Variants in ZDHHC6 observed in about 807,000 individuals in gnomAD.
The protein encoded by ZDHHC6 is zDHHC palmitoyltransferase 6, also known as palmitoyltransferase ZDHHC6.
ZDHHC6 carries 32 observed loss-of-function variants against 57.8 expected under a neutral mutation model. The observed-to-expected ratio is 0.55, with a 90% confidence interval of 0.42 to 0.74. The LOEUF (loss-of-function observed/expected upper bound fraction) is 0.74. Ranked by LOEUF, ZDHHC6 falls within the 30% of genes least tolerant of loss-of-function variation. ZDHHC6 has a pLI of 0.00. For missense variants in ZDHHC6, 433 were observed against 500.7 expected, an observed-to-expected ratio of 0.86 and a Z score of 1.29; for synonymous variants, 128 against 158.0, an observed-to-expected ratio of 0.81 and a Z score of 1.42.
chr10:112,428,965 A>C (rs554130699), downstream of ZDHHC6, among the ~76,000 whole-genome samples: 1 of 152,354 alleles, frequency 6.6e-6, no homozygotes, highest in African/African-American at 2.4e-5. Flanking sequence ...ATAGCTGTAA[A>C]GAATAAAACA....
rs766634437 is a variant in ZDHHC6 at position 112,445,193 on chromosome 10, A to G, written c.244T>C (p.Phe82Leu). 2 of 1,613,730 alleles carry G rather than the reference A, an allele frequency of 1.2e-6. No homozygotes were observed. The highest frequency in any genetic ancestry group is 1.3e-5 in the African/African-American group (1 of 75,050). ...YFNAMFVGPGFVPLGWKPEIS... is the reference protein window; with the variant it reads ...YFNAMFVGPGLVPLGWKPEIS... The stretch of plus-strand genomic sequence containing the variant: ...ACCGGTTTCCACCCCAGAGGGACAA[A>G]GCCCGGACCGACAAACATGGCATTG... Residue 82 changes from phenylalanine to leucine, a missense_variant, in exon 2 of 11, where the codon TTT becomes CTT. Transcript: ENST00000369405.
chr10:112,425,454 A>G (rs746118733), downstream of ZDHHC6: 1 of 1,613,218 alleles, frequency 6.2e-7, no homozygotes, highest in South Asian at 1.1e-5. Context: ...CAGTGTTACA[A>G]ATTTTTGTAC....
In ZDHHC6 at chr10:112,434,257, C is replaced by T. The variant is rs750350960; in HGVS notation, c.903+40G>A. On this transcript the variant is annotated intron_variant, in intron 7 of 10. Transcript: ENST00000369405. ...TGAGGGGGAGTTAAGGGAAAGAAGG[C>T]GAGGCAAAAAGGAAGGGCTATTTGA... is the stretch of plus-strand genomic sequence containing the variant. 1.0e-5 allele frequency: 15 copies of T among 1,493,256 alleles called. No homozygotes were observed. In the East Asian group the frequency reaches 1.7e-4, roughly 17 times the overall value. 92.5% of individuals were successfully genotyped at this position (1,493,256 alleles called of 1,614,324 possible).
At chr10:112,427,290 A>T, downstream of ZDHHC6, 1 of 1,613,970 alleles carries the variant, frequency 6.2e-7, no homozygotes, top group South Asian at 1.1e-5. Flanking sequence ...ATTGAAAGCA[A>T]AGCGAGGAGA....
chr10:112,447,322 G>A, upstream of ZDHHC6: 1 of 1,579,662 alleles, frequency 6.3e-7, no homozygotes, highest in Non-Finnish European at 8.6e-7. Flanking sequence ...TGCCCCTCGA[G>A]GCCCTTTCCC....
downstream of ZDHHC6, chr10:112,426,344 A>T: frequency 6.2e-7 from 1 of 1,613,998 alleles, no homozygotes; most frequent in African/African-American, 1.3e-5. Context: ...CCTTTGAGGA[A>T]CTGTGCCAAA....
At chr10:112,425,513 A>G (rs759157376), downstream of ZDHHC6, 2 of 1,548,592 alleles carry the variant, frequency 1.3e-6, no homozygotes, top group Non-Finnish European at 1.7e-6. Flanking sequence ...AGCCCATTTC[A>G]GTCACAAACC....
At chr10:112,444,541 A>T (rs1198979601) in intron 2 of ZDHHC6, among the ~76,000 whole-genome samples, 1 of 152,180 alleles carries the variant, frequency 6.6e-6, no homozygotes, top group Non-Finnish European at 1.5e-5. Context: ...CCGAACTTTA[A>T]TATACCTAAG....
chr10:112,440,585 C>T lies in ZDHHC6; in HGVS notation c.630G>A (p.Leu210=), dbSNP rs748479945. The T allele has an allele frequency of 6.2e-6, 10 of 1,613,902 alleles. No homozygotes were observed. The Admixed American group carries it at 1.2e-4, about 19-fold the overall frequency. The change falls in exon 5 of 11, where the codon TTG becomes TTA. Residue 210 remains leucine, a synonymous_variant. Transcript: ENST00000369405. ...LAAFATTLFA[L]GLALGTTIAV... The stretch of plus-strand genomic sequence containing the variant: ...CTATGGTTGTTCCTAAAGCTAATCC[C>T]AAGGCAAACAAGGTGGTAGCAAATG...
chr10:112,441,091 C>T (rs1195231342), intron 4 of ZDHHC6, among the ~76,000 whole-genome samples: 1 of 152,164 alleles, frequency 6.6e-6, no homozygotes, highest in Non-Finnish European at 1.5e-5. Context: ...TGACCCACAC[C>T]GCCTCAGCCT....
intron 4 of ZDHHC6, 144 bp from the exon 5 acceptor site, chr10:112,440,839 T>C (rs1752404762): frequency 1.9e-6 from 1 of 536,362 alleles, no homozygotes; most frequent in South Asian, 9.4e-5. Context: ...TTATTTTATT[T>C]TATTTATTTA....
chr10:112,434,188 A>AAGGTATAGAGAATTAAGGAGATATTG, intron 7 of ZDHHC6, 109 bp downstream of exon 7: 1 of 1,110,120 alleles, frequency 9.0e-7, no homozygotes, highest in Non-Finnish European at 1.3e-6. Context: ...TGACATAGTG[A>AAGGTATAGAGAATTAAGGAGATATTG]AAACATTCAT....
chr10:112,441,147 C>G (rs533544515), intron 4 of ZDHHC6, among the ~76,000 whole-genome samples: 2 of 152,136 alleles, frequency 1.3e-5, no homozygotes, highest in Admixed American at 6.5e-5. Context: ...GCTGGGCCAG[C>G]TATTTTTAAT....
chr10:112,432,670 C>G (rs1845155317), intron 8 of ZDHHC6, 149 bp from the exon 9 acceptor site: 2 of 932,574 alleles, frequency 2.1e-6, no homozygotes, highest in African/African-American at 3.3e-5. Flanking sequence ...GTTCCCCATC[C>G]ACCTAGTTCC....
Position 112,434,473 on chromosome 10 carries a change from A to G in ZDHHC6, c.736-9T>C. 1.9e-6 allele frequency: 3 copies of G among 1,607,952 alleles called. No homozygotes were observed. Among genetic ancestry groups the G allele is most frequent in the African/African-American group, 2.7e-5 (2 of 74,790 alleles). On this transcript the variant is annotated splice_polypyrimidine_tract_variant and intron_variant, in intron 6 of 10. Transcript: ENST00000369405. ...TGAATTCGATCTTTAGCCTGTGGGTAACAAAGATATAAGATGGCAGGTGCC... is the reference window on the plus strand; with the variant it reads ...TGAATTCGATCTTTAGCCTGTGGGTGACAAAGATATAAGATGGCAGGTGCC...
chr10:112,443,532 G>A lies in ZDHHC6; in HGVS notation c.342C>T (p.His114=). Residue 114 remains histidine (H), a synonymous_variant, in exon 3 of 11, where the codon CAC becomes CAT. Transcript: ENST00000369405. ...ACAGGTACCTGTTACACTTTCTGCA[G>A]TGATGTGAACGTGGTGCCTTGTATG... is the stretch of plus-strand genomic sequence containing the variant. ...CQAYKAPRSH[H]CRKCNRCVMK... 6.2e-7 allele frequency: 1 copy of A among 1,613,892 alleles called. No individual in the cohort carries two copies. Among genetic ancestry groups the A allele is most frequent in the African/African-American group, 1.3e-5 (1 of 75,048 alleles).
At position 112,445,442 on chromosome 10, in the gene ZDHHC6, CAAGG is replaced by C. The variant is rs1846568371; in HGVS notation, c.-10_-7del. On this transcript the variant is annotated 5_prime_UTR_variant, in exon 2 of 11. Transcript: ENST00000369405. ...ACCGAACAGAATGTACCCATTTTGGCAAGGAAGAATGCCTTCCTACTTTAAAAGA... is the reference window on the plus strand; with the variant it reads ...ACCGAACAGAATGTACCCATTTTGGCAAGAATGCCTTCCTACTTTAAAAGA... 6.2e-7 allele frequency: 1 copy of C among 1,611,024 alleles called. No individual in the cohort carries two copies. The highest frequency in any genetic ancestry group is 1.7e-5 in the Admixed American group (1 of 59,754).
At chr10:112,426,356 C>A (rs780276307), downstream of ZDHHC6, 5 of 1,613,666 alleles carry the variant, frequency 3.1e-6, no homozygotes, top group African/African-American at 5.3e-5. Flanking sequence ...TGTGCCAAAA[C>A]CAAGTAAGTC....
rs996564990 is a variant in ZDHHC6 at position 112,445,171 on chromosome 10, G to A, written c.266C>T (p.Pro89Leu). Reference protein sequence around the residue: ...GPGFVPLGWKPEISQDTMYLQ... With the variant: ...GPGFVPLGWKLEISQDTMYLQ... The stretch of plus-strand genomic sequence containing the variant: ...ATTGTCTTACAGAATCTTTCTTACC[G>A]GTTTCCACCCCAGAGGGACAAAGCC... The change falls in exon 2 of 11, where the codon CCG becomes CTG. Residue 89 changes from proline (P) to leucine (L), a missense_variant and splice_region_variant. Pro to Leu is a moderately conservative substitution (Grantham distance 98, BLOSUM62 -3). Coordinates refer to ENST00000369405, the MANE Select transcript of ZDHHC6 (RefSeq NM_022494.3). 1.1e-5 allele frequency: 18 copies of A among 1,609,958 alleles called. No homozygotes were observed. The highest frequency in any genetic ancestry group is 1.7e-5 in the Admixed American group (1 of 59,776).
Sources: allele counts gnomAD v4.1 joint callset (sites outside exome capture counted in the v4.1 genomes callset), GRCh38; gene constraint gnomAD v4.1.1; transcripts MANE v1.5; gene names NCBI Gene and HGNC (gene_info 2026-07-23, HGNC 2026-07-21).